The following CFAP251 variants were observed in gnomAD, a reference collection of about 807,000 sequenced individuals.
CFAP251 encodes the protein cilia and flagella associated protein 251, also known as cilia- and flagella-associated protein 251.
CFAP251 carries 93 observed loss-of-function variants against 126.7 expected under a neutral mutation model. The observed-to-expected ratio is 0.73, with a 90% CI of 0.62 to 0.87. The LOEUF (loss-of-function observed/expected upper bound fraction) is 0.87, where lower values mean the gene tolerates loss of function less well. CFAP251 is among the 40% of genes least tolerant of loss of function. CFAP251 has a pLI of 0.00. For missense variants in CFAP251, 1,287 were observed against 1,389.2 expected (o/e 0.93, Z 1.17); for synonymous variants, 503 against 506.9 (o/e 0.99, Z 0.10).
intron 3 of CFAP251, among the ~76,000 whole-genome samples, chr12:121,926,026 T>TTA (rs1880397704): frequency 6.9e-6 from 1 of 144,112 alleles, no homozygotes; most frequent in South Asian, 2.2e-4. Flanking sequence ...TTGTAATTTT[T>TTA]TTTTTTTTTT....
In CFAP251 at chr12:121,974,360, C is replaced by T. The variant is rs768939038; in HGVS notation, c.2772-884C>T. 6.6e-6 allele frequency among the ~76,000 whole-genome samples: 1 copy of T among 152,124 alleles called. No individual in the cohort carries two copies. Among genetic ancestry groups the T allele is most frequent in the Non-Finnish European group, 1.5e-5 (1 of 68,030 alleles). ...GCAGCATGAAAACAGACTAGAATACCGTGTCTGCGTTTATTTATTAATTCT... is the reference window on the plus strand; with the variant it reads ...GCAGCATGAAAACAGACTAGAATACTGTGTCTGCGTTTATTTATTAATTCT... On this transcript the variant is annotated intron_variant, in intron 17 of 21. Coordinates refer to ENST00000288912, the MANE Select transcript of CFAP251 (RefSeq NM_144668.6). This position sits in a 1 kb window ranked among gnomAD's most constrained non-coding sequence, Gnocchi z 4.6.
At chr12:121,930,946 A>C (rs1203332269) in intron 3 of CFAP251, among the ~76,000 whole-genome samples, 1 of 151,992 alleles carries the variant, frequency 6.6e-6, no homozygotes, top group Non-Finnish European at 1.5e-5. Flanking sequence ...ATGAGGTTTC[A>C]CCATTTTGGC....
At chr12:121,959,163 A>G (rs770035251) in intron 13 of CFAP251, 69 bp downstream of exon 13, 5 of 1,458,300 alleles carry the variant, frequency 3.4e-6, no homozygotes, top group East Asian at 4.7e-5. Context: ...GAGGCCAGAC[A>G]TAGTAGCTAA....
At chr12:121,923,571 A>G (rs1565900657) in intron 2 of CFAP251, 51 bp from the exon 3 acceptor site, 3 of 1,544,246 alleles carry the variant, frequency 1.9e-6, no homozygotes, top group Non-Finnish European at 2.6e-6. Flanking sequence ...AGGTGAATAA[A>G]TGGTGAGTAG....
At chr12:121,963,046 T>C (rs1592989107) in intron 15 of CFAP251, among the ~76,000 whole-genome samples, 1 of 151,254 alleles carries the variant, frequency 6.6e-6, no homozygotes, top group Admixed American at 6.6e-5. Context: ...TAGTGGAGGG[T>C]TTTGAGCAGG....
intron 2 of CFAP251, among the ~76,000 whole-genome samples, chr12:121,922,105 CTT>C (rs545096948): frequency 5.7e-4 from 69 of 120,368 alleles, no homozygotes; most frequent in East Asian, 1.0e-3. Context: ...ACAATCCATT[CTT>C]TTTTTTTTTT....
At chr12:121,921,254 C>T in intron 1 of CFAP251, 32 bp from the exon 2 acceptor site, 21 of 1,526,260 alleles carry the variant, frequency 1.4e-5, no homozygotes, top group Non-Finnish European at 1.8e-5. Flanking sequence ...AAGCTGAGGG[C>T]CAGCTGGTTA....
At chr12:121,973,458 G>A (rs530041094) in intron 17 of CFAP251, among the ~76,000 whole-genome samples, 1 of 152,320 alleles carries the variant, frequency 6.6e-6, no homozygotes, top group African/African-American at 2.4e-5. Flanking sequence ...GCCTAGTGGA[G>A]CTGTGAGAAG....
rs10713983 is a variant in CFAP251, at chr12:121,983,396, C to CA, written c.3006+7727dup. On this transcript the variant is annotated intron_variant, in intron 19 of 21. Coordinates refer to ENST00000288912, the MANE Select transcript of CFAP251 (RefSeq NM_144668.6). The stretch of plus-strand genomic sequence containing the variant: ...CTCCAGCCTGGGCACCATAGCTCTC[C>CA]AAAAAAAAAAAAAAAAGGTAAGGAA... 8.6e-3 allele frequency among the ~76,000 whole-genome samples: 601 copies of CA among 69,576 alleles called. 1 individual carries two copies. Among genetic ancestry groups the CA allele is most frequent in the East Asian group, 0.037 (95 of 2,578 alleles). 45.6% of individuals were successfully genotyped at this position (69,576 alleles called of 152,430 possible). A position where few individuals can be genotyped will look rare whatever the true frequency, so the allele number is the denominator to read the frequency against.
At chr12:121,942,831 G>A in intron 6 of CFAP251, 64 bp from the exon 7 acceptor site, 1 of 1,567,296 alleles carries the variant, frequency 6.4e-7, no homozygotes, top group Non-Finnish European at 8.8e-7. Context: ...ACCACAAGAG[G>A]TGTAAGTTAC....
At chr12:121,979,845 C>T (rs760034634) in intron 19 of CFAP251, among the ~76,000 whole-genome samples, 3 of 152,126 alleles carry the variant, frequency 2.0e-5, no homozygotes, top group Non-Finnish European at 4.4e-5. Flanking sequence ...GGATTACAGG[C>T]GTGAGCCACC....
chr12:121,960,629 T>C lies in CFAP251; in HGVS notation c.2178T>C (p.Asn726=), dbSNP rs893180574. 1 of 1,614,144 alleles carries C rather than the reference T, an allele frequency of 6.2e-7. No individual in the cohort carries two copies. ...CTGTTTACATGCTGGTGGTCAGAAA[T>C]GGACAGAGGGTCTGGGAGTACTTAG... is the stretch of plus-strand genomic sequence containing the variant. ...TVAVYMLVVR[N]GQRVWEYLAR... The change falls in exon 14 of 22, where the codon AAT becomes AAC. Residue 726 remains asparagine, a synonymous_variant. Coordinates refer to ENST00000288912, the MANE Select transcript of CFAP251 (RefSeq NM_144668.6).
At chr12:121,920,013 C>T (rs1472309753) in intron 1 of CFAP251, among the ~76,000 whole-genome samples, 1 of 151,778 alleles carries the variant, frequency 6.6e-6, no homozygotes, top group Non-Finnish European at 1.5e-5. Context: ...GAAACCCTGC[C>T]TCCATTGAAA....
chr12:121,978,373 G>A (rs1412045317), intron 19 of CFAP251, among the ~76,000 whole-genome samples: 290 of 79,164 alleles, frequency 3.7e-3, no homozygotes, highest in Middle Eastern at 0.029. Flanking sequence ...CAGCCTGGGC[G>A]ACAGAGCAAG....
intron 7 of CFAP251, 102 bp from the exon 8 acceptor site, chr12:121,948,882 C>T (rs1342769075): frequency 3.3e-4 from 210 of 636,068 alleles, no homozygotes; most frequent in South Asian, 8.1e-4. Context: ...TTTTATATTC[C>T]TACTCATTTG....
chr12:121,937,522 A>G (rs1722995943), intron 5 of CFAP251, among the ~76,000 whole-genome samples: 1 of 152,240 alleles, frequency 6.6e-6, no homozygotes, highest in African/African-American at 2.4e-5. Flanking sequence ...ACTAGAGCGC[A>G]GCACCAGGCC....
chr12:121,943,183 C>A (rs982410154), intron 7 of CFAP251, among the ~76,000 whole-genome samples: 1 of 151,980 alleles, frequency 6.6e-6, no homozygotes, highest in Non-Finnish European at 1.5e-5. Context: ...TGTGGTGGCA[C>A]ATGCCTATAG....
chr12:121,951,342 A>G (rs1185260), intron 8 of CFAP251, 138 bp from the exon 9 acceptor site: 414,494 of 476,624 alleles, frequency 0.87, 180,847 homozygotes, highest in African/African-American at 0.96. Context: ...ATTTCCCAAG[A>G]CAGCAAGTTC....
chr12:121,960,943 G>A (rs1425308931), intron 14 of CFAP251, among the ~76,000 whole-genome samples, 185 bp downstream of exon 14: 1 of 152,164 alleles, frequency 6.6e-6, no homozygotes, highest in Non-Finnish European at 1.5e-5. Flanking sequence ...GACACCACCT[G>A]GGGACTCCTG....
Sources: gnomAD v4.1 joint callset for allele counts (sites outside exome capture counted in the v4.1 genomes callset) on GRCh38, gnomAD v4.1.1 for gene constraint, Gnocchi (gnomAD v3.1) non-coding constraint, MANE v1.5 for transcripts, NCBI Gene and HGNC (gene_info 2026-07-23, HGNC 2026-07-21) for gene names.